Variants in WDR70 observed in about 807,000 individuals in gnomAD.
WDR70 encodes WD repeat-containing protein 70.
A neutral mutation model predicts 88.6 loss-of-function variants in WDR70; 53 were observed. The observed-to-expected ratio is 0.60, with a 90% CI of 0.48 to 0.75. WDR70 has a LOEUF of 0.75. Ranked by LOEUF, WDR70 falls within the 30% of genes least tolerant of loss-of-function variation. The pLI is 0.00. For synonymous variants in WDR70, 280 were observed against 270.0 expected (o/e 1.04, Z -0.36); for missense variants, 610 against 823.2 (o/e 0.74, Z 3.17).
chr5:37,605,000 T>A, intron 9 of WDR70, 64 bp from the exon 10 acceptor site: 2 of 1,437,488 alleles, frequency 1.4e-6, no homozygotes, highest in East Asian at 2.5e-5. Context: ...CTCTTCCCTA[T>A]TTTAACCTCC....
At chr5:37,717,255 T>G (rs1747678206) in intron 13 of WDR70, among the ~76,000 whole-genome samples, 1 of 152,226 alleles carries the variant, frequency 6.6e-6, no homozygotes, top group African/African-American at 2.4e-5. Context: ...AATAAAACAC[T>G]TTGTCAATTT....
At chr5:37,416,537 G>A (rs988180388) in intron 5 of WDR70, among the ~76,000 whole-genome samples, 1 of 151,530 alleles carries the variant, frequency 6.6e-6, no homozygotes, top group Non-Finnish European at 1.5e-5. Flanking sequence ...AGAGGGAGAG[G>A]GAGATCGTGG....
chr5:37,385,806 T>C (rs1296994860), intron 3 of WDR70, among the ~76,000 whole-genome samples: 1 of 142,200 alleles, frequency 7.0e-6, no homozygotes, highest in Non-Finnish European at 1.5e-5. Context: ...AGACCAAATA[T>C]ATATATATAT....
At chr5:37,408,459 G>A (rs1027016154) in intron 5 of WDR70, among the ~76,000 whole-genome samples, 2 of 152,136 alleles carry the variant, frequency 1.3e-5, no homozygotes, top group Non-Finnish European at 2.9e-5. Context: ...GGGAGACAGA[G>A]CGAGACACTT....
chr5:37,735,775 G>GT (rs927851624), intron 17 of WDR70, among the ~76,000 whole-genome samples: 1 of 151,876 alleles, frequency 6.6e-6, no homozygotes, highest in Non-Finnish European at 1.5e-5. Flanking sequence ...TGTCTGGTTG[G>GT]TTTTTTTTCT....
rs536661170 is a variant in WDR70 at position 37,749,571 on chromosome 5, ATAT to A, written c.1878-2911_1878-2909del. On this transcript the variant is annotated intron_variant, in intron 17 of 17. Transcript: ENST00000265107. The stretch of plus-strand genomic sequence containing the variant: ...CTGTTTTTTTTTAAGAAGAAAAAAA[ATAT>A]TATGCATACGTATAATGTGGCCATT... Among the ~76,000 whole-genome samples the A allele has an allele frequency of 1.4e-4, 21 of 152,220 alleles. No individual in the cohort carries two copies. The South Asian group carries it at 3.7e-3, about 27-fold the overall frequency.
intron 10 of WDR70, among the ~76,000 whole-genome samples, chr5:37,607,827 G>A (rs147194153): frequency 1.6e-4 from 25 of 152,210 alleles, no homozygotes; most frequent in African/African-American, 6.0e-4. Flanking sequence ...CATTTGAGAA[G>A]AAGGCCTCTT....
chr5:37,540,228 G>C (rs546769917), intron 9 of WDR70, among the ~76,000 whole-genome samples: 1 of 152,278 alleles, frequency 6.6e-6, no homozygotes, highest in East Asian at 1.9e-4. Flanking sequence ...GAACAAATAC[G>C]TTTGCTGAAT....
At chr5:37,641,972 T>TG (rs1387031381) in intron 10 of WDR70, among the ~76,000 whole-genome samples, 1 of 152,208 alleles carries the variant, frequency 6.6e-6, no homozygotes, top group Non-Finnish European at 1.5e-5. Context: ...AAGTTTTAGA[T>TG]GTAGTGACTT....
intron 13 of WDR70, among the ~76,000 whole-genome samples, chr5:37,715,806 A>G (rs1307311935): frequency 3.3e-5 from 5 of 152,224 alleles, no homozygotes; most frequent in Non-Finnish European, 7.3e-5. Flanking sequence ...GGAAGTCTGA[A>G]GAAAGTTCTT....
At chr5:37,711,987 CTTTTTTTTTT>C (rs70978842) in intron 13 of WDR70, among the ~76,000 whole-genome samples, 12 of 104,022 alleles carry the variant, frequency 1.2e-4, no homozygotes, top group Admixed American at 5.4e-4. Context: ...TATATTTTTT[CTTTTTTTTTT>C]TTTTTTTTTT....
chr5:37,461,122 A>T (rs113459808), intron 7 of WDR70, among the ~76,000 whole-genome samples: 11 of 149,448 alleles, frequency 7.4e-5, no homozygotes, highest in African/African-American at 2.8e-4. Flanking sequence ...AAAAAAAAAA[A>T]AAATAAAGGG....
At chr5:37,504,185 C>G (rs1217610778) in intron 8 of WDR70, among the ~76,000 whole-genome samples, 1 of 151,952 alleles carries the variant, frequency 6.6e-6, no homozygotes, top group Non-Finnish European at 1.5e-5. Context: ...GAAAAACTGA[C>G]CTTTCTTTAT....
At chr5:37,556,921 G>A (rs1402460974) in intron 9 of WDR70, among the ~76,000 whole-genome samples, 1 of 152,224 alleles carries the variant, frequency 6.6e-6, no homozygotes, top group Non-Finnish European at 1.5e-5. Context: ...TGAGCCTCTT[G>A]TGGAGGTTGG....
At chr5:37,718,597 T>C (rs1747720462) in intron 13 of WDR70, among the ~76,000 whole-genome samples, 1 of 152,162 alleles carries the variant, frequency 6.6e-6, no homozygotes, top group South Asian at 2.1e-4. Context: ...TCTCTCTCTC[T>C]AGGACCACAT....
At chr5:37,447,884 T>A (rs1738552297) in intron 7 of WDR70, among the ~76,000 whole-genome samples, 1 of 152,134 alleles carries the variant, frequency 6.6e-6, no homozygotes, top group Non-Finnish European at 1.5e-5. Flanking sequence ...CATGTATACA[T>A]ATGTAACAAA....
At chr5:37,508,338 A>T (rs1025304000) in intron 8 of WDR70, among the ~76,000 whole-genome samples, 4 of 152,214 alleles carry the variant, frequency 2.6e-5, no homozygotes, top group African/African-American at 7.2e-5. Context: ...ATACAGGAGA[A>T]GATGGCCCAT....
intron 5 of WDR70, among the ~76,000 whole-genome samples, chr5:37,427,061 C>G (rs189470991): frequency 3.3e-5 from 5 of 152,264 alleles, no homozygotes; most frequent in Admixed American, 6.5e-5. Context: ...CAGGCTACCA[C>G]GCTCAGCTTT....
chr5:37,499,474 C>T (rs1269042405), intron 8 of WDR70, among the ~76,000 whole-genome samples: 1 of 150,904 alleles, frequency 6.6e-6, no homozygotes, highest in African/African-American at 2.4e-5. Context: ...TTTTTCTGCT[C>T]AGATTGGGGA....
Sources: allele counts gnomAD v4.1 joint callset (sites outside exome capture counted in the v4.1 genomes callset), GRCh38; gene constraint gnomAD v4.1.1; transcripts MANE v1.5; gene names NCBI Gene and HGNC (gene_info 2026-07-23, HGNC 2026-07-21).